The following PLCE1 variants were observed in gnomAD, a reference collection of about 807,000 sequenced individuals.
PLCE1 encodes phospholipase C epsilon 1.
Under a neutral mutation model 242.8 loss-of-function variants are expected in PLCE1, and 119 were observed. That is an observed-to-expected ratio of 0.49 (90% CI 0.42 to 0.57). The LOEUF (loss-of-function observed/expected upper bound fraction) is 0.57, where lower values mean the gene tolerates loss of function less well. PLCE1 is among the 20% of genes least tolerant of loss of function. PLCE1 has a pLI of 0.00. For missense variants in PLCE1, 2,441 were observed against 2,788.8 expected (o/e 0.88, Z 2.81); for synonymous variants, 945 against 1,017.4 (o/e 0.93, Z 1.35).
chr10:94,266,277 G>A (rs1293894303), intron 16 of PLCE1, among the ~76,000 whole-genome samples: 1 of 152,130 alleles, frequency 6.6e-6, no homozygotes, highest in Non-Finnish European at 1.5e-5. Context: ...TTTCCCATGG[G>A]AAAATTATCT....
intron 2 of PLCE1, among the ~76,000 whole-genome samples, chr10:94,090,693 G>T (rs1482983895): frequency 1.3e-5 from 2 of 152,190 alleles, no homozygotes; most frequent in African/African-American, 2.4e-5. Flanking sequence ...AGTGGGACGA[G>T]GTCTATGCAC....
intron 2 of PLCE1, among the ~76,000 whole-genome samples, chr10:94,043,885 G>A (rs2061825392): frequency 6.6e-6 from 1 of 152,078 alleles, no homozygotes; most frequent in Non-Finnish European, 1.5e-5. Flanking sequence ...CAAAAAATTG[G>A]GAACTTTTTA....
intron 2 of PLCE1, among the ~76,000 whole-genome samples, chr10:94,047,387 C>T (rs985495864): frequency 2.6e-5 from 4 of 152,118 alleles, no homozygotes; most frequent in East Asian, 1.9e-4. Context: ...AATTGACCAC[C>T]GTTTTCTTTC....
At chr10:94,141,687 AGGGAGG>A (rs2046978989) in intron 3 of PLCE1, among the ~76,000 whole-genome samples, 1 of 113,576 alleles carries the variant, frequency 8.8e-6, no homozygotes, top group Admixed American at 1.2e-4. Context: ...GAAAGAAGGA[AGGGAGG>A]GAGAGAAGGA....
At chr10:93,999,130 G>A (rs974456928) in intron 1 of PLCE1, among the ~76,000 whole-genome samples, 7 of 152,188 alleles carry the variant, frequency 4.6e-5, no homozygotes, top group African/African-American at 1.4e-4. Flanking sequence ...AACTAATACA[G>A]CATGGAAGAA....
chr10:94,265,374 TAC>T (rs1243962908), intron 14 of PLCE1, among the ~76,000 whole-genome samples: 1 of 152,244 alleles, frequency 6.6e-6, no homozygotes, highest in Non-Finnish European at 1.5e-5. Flanking sequence ...GATAAACTGA[TAC>T]ACTTTGTTTT....
In PLCE1 at chr10:94,077,633, T is replaced by C. The variant is rs1368027425; in HGVS notation, c.1206+45381T>C. Among the ~76,000 whole-genome samples the C allele has an allele frequency of 5.3e-5, 8 of 152,288 alleles. No individual in the cohort carries two copies. In the East Asian group the frequency reaches 1.5e-3, roughly 29 times the overall value. ...AAATAAATAAATTAGCCGGGCATGA[T>C]GGCATGCATCTGTAGTACTAGCTAC... On this transcript the variant is annotated intron_variant, in intron 2 of 32. Coordinates refer to ENST00000371380, the MANE Select transcript of PLCE1 (RefSeq NM_016341.4).
intron 4 of PLCE1, among the ~76,000 whole-genome samples, chr10:94,222,696 C>T (rs2049796032): frequency 6.6e-6 from 1 of 152,142 alleles, no homozygotes; most frequent in African/African-American, 2.4e-5. Context: ...CTTCTCTTCC[C>T]ATCCTGGCTT....
chr10:94,124,877 G>C (rs2046395515), intron 2 of PLCE1, among the ~76,000 whole-genome samples: 1 of 152,172 alleles, frequency 6.6e-6, no homozygotes. Context: ...AAATGGCCAA[G>C]TTTGGTTACT....
intron 27 of PLCE1, 71 bp from the exon 28 acceptor site, chr10:94,313,183 C>A: frequency 3.2e-6 from 5 of 1,572,352 alleles, no homozygotes; most frequent in Non-Finnish European, 3.5e-6. Context: ...AGTACTAGCA[C>A]CTCTGTATCA....
intron 2 of PLCE1, 38 bp downstream of exon 2, chr10:94,032,290 T>C: frequency 1.2e-6 from 2 of 1,602,594 alleles, no homozygotes; most frequent in Non-Finnish European, 1.7e-6. Context: ...TTCTTTAAAC[T>C]TGCTTTTTTT....
intron 3 of PLCE1, among the ~76,000 whole-genome samples, chr10:94,161,484 G>A (rs2136218136): frequency 1.3e-5 from 2 of 152,266 alleles, no homozygotes; most frequent in Non-Finnish European, 2.9e-5. Flanking sequence ...AAGAATACTT[G>A]TAATTTTTGC....
At chr10:94,000,376 G>A (rs2060910417) in intron 1 of PLCE1, among the ~76,000 whole-genome samples, 1 of 152,154 alleles carries the variant, frequency 6.6e-6, no homozygotes, top group Non-Finnish European at 1.5e-5. Flanking sequence ...GCCTGTTTGG[G>A]CCTAAGCATC....
chr10:94,299,614 G>A (rs749960569), intron 24 of PLCE1, among the ~76,000 whole-genome samples: 11 of 152,278 alleles, frequency 7.2e-5, no homozygotes, highest in South Asian at 2.1e-4. Flanking sequence ...CATTCATCTC[G>A]CGTGAACTGA....
chr10:94,133,173 C>A (rs1218593120), intron 3 of PLCE1, among the ~76,000 whole-genome samples: 3 of 152,050 alleles, frequency 2.0e-5, no homozygotes, highest in Non-Finnish European at 4.4e-5. Context: ...ATATAGATCT[C>A]CTTCATACAT....
chr10:94,044,753 T>C (rs1256770977), intron 2 of PLCE1, among the ~76,000 whole-genome samples: 3 of 152,206 alleles, frequency 2.0e-5, no homozygotes, highest in East Asian at 3.9e-4. Flanking sequence ...CCCCACATGG[T>C]CATGCTAGCT....
intron 3 of PLCE1, among the ~76,000 whole-genome samples, chr10:94,146,909 G>T (rs1349219669): frequency 6.6e-6 from 1 of 152,212 alleles, no homozygotes; most frequent in Non-Finnish European, 1.5e-5. Flanking sequence ...AAAAGATTCA[G>T]GAACTGGGCT....
At chr10:94,216,191 T>A (rs188901808) in intron 4 of PLCE1, among the ~76,000 whole-genome samples, 274 of 152,342 alleles carry the variant, frequency 1.8e-3, no homozygotes, top group Non-Finnish European at 3.1e-3. Flanking sequence ...AAGCATTTGG[T>A]GTCACTGTTA....
At chr10:94,204,227 T>C (rs547810503) in intron 4 of PLCE1, among the ~76,000 whole-genome samples, 173 of 152,234 alleles carry the variant, frequency 1.1e-3, no homozygotes, top group Non-Finnish European at 2.1e-3. Context: ...ATATGATAGA[T>C]TATATCATTC....
Sources: gnomAD v4.1 joint callset for allele counts (sites outside exome capture counted in the v4.1 genomes callset) on GRCh38, gnomAD v4.1.1 for gene constraint, MANE v1.5 for transcripts, NCBI Gene and HGNC (gene_info 2026-07-23, HGNC 2026-07-21) for gene names.